The following PARD3B variants were observed in gnomAD, a reference collection of about 807,000 sequenced individuals.
PARD3B encodes partitioning defective 3 homolog B.
A neutral mutation model predicts 130.2 loss-of-function variants in PARD3B; 103 were observed. The observed-to-expected ratio is 0.79, with a 90% CI of 0.67 to 0.93. The LOEUF (loss-of-function observed/expected upper bound fraction) is 0.93, where lower values mean the gene tolerates loss of function less well. Ranked by LOEUF, PARD3B falls within the 40% of genes least tolerant of loss-of-function variation. The probability of loss-of-function intolerance (pLI) is 0.00; values close to 1 mark genes in which losing one functional copy is unlikely to be tolerated. For missense variants in PARD3B, 1,609 were observed against 1,499.2 expected (o/e 1.07, Z -1.21); for synonymous variants, 583 against 553.2 (o/e 1.05, Z -0.76).
chr2:205,243,917 G>T (rs1052406880), intron 15 of PARD3B, among the ~76,000 whole-genome samples: 36 of 152,118 alleles, frequency 2.4e-4, no homozygotes, highest in African/African-American at 8.4e-4. Context: ...AGTTCCTATG[G>T]TTATTTTTAA....
At chr2:204,600,037 T>C (rs952748288) in intron 1 of PARD3B, among the ~76,000 whole-genome samples, 8 of 152,022 alleles carry the variant, frequency 5.3e-5, no homozygotes, top group Admixed American at 3.3e-4. Context: ...AATTGGATTT[T>C]TTTTTGCTAT....
intron 1 of PARD3B, among the ~76,000 whole-genome samples, chr2:204,621,202 A>C (rs16836409): frequency 0.011 from 1,652 of 152,310 alleles, 31 homozygotes; most frequent in African/African-American, 0.038. Context: ...AGCTAAAAAA[A>C]CTGAAAGCTG....
chr2:205,465,772 T>A (rs781311528), intron 20 of PARD3B, among the ~76,000 whole-genome samples: 2 of 152,132 alleles, frequency 1.3e-5, no homozygotes, highest in Non-Finnish European at 2.9e-5. Flanking sequence ...ATTGAAGGAA[T>A]GGGATAAAAA....
Position 205,550,030 on chromosome 2 carries a change from G to A in PARD3B, c.3181-3294G>A, listed in dbSNP as rs1204620652. The stretch of plus-strand genomic sequence containing the variant: ...ACAGTAGTATAGTTGCTAGTTAGTA[G>A]TATTCTTTTCTTCATACCTTGTTTC... On this transcript the variant is annotated intron_variant, in intron 21 of 22. Transcript: ENST00000406610. The surrounding 1 kb of genome is among the most constrained non-coding windows in gnomAD (Gnocchi z 4.5). Among the ~76,000 whole-genome samples the A allele has an allele frequency of 6.6e-6, 1 of 152,164 alleles. No individual in the cohort carries two copies. The highest frequency in any genetic ancestry group is 1.5e-5 in the Non-Finnish European group (1 of 68,024).
chr2:205,331,656 G>A (rs909700575), intron 18 of PARD3B, among the ~76,000 whole-genome samples: 114 of 151,704 alleles, frequency 7.5e-4, no homozygotes, highest in African/African-American at 2.7e-3. Context: ...AGTGGTGGGT[G>A]CCTGTAATCC....
rs577424976 is a variant in PARD3B, at chr2:205,229,786, T to C, written c.2141-15992T>C. Reference sequence around the variant, plus strand: ...CCCTGGCCTCGAGTGAGTCCACAGATGCCGTCCAGGAGCCAGGGCCTAGAG... The same window carrying C: ...CCCTGGCCTCGAGTGAGTCCACAGACGCCGTCCAGGAGCCAGGGCCTAGAG... On this transcript the variant is annotated intron_variant, in intron 15 of 22. Transcript: ENST00000406610. The surrounding 1 kb of genome is among the most constrained non-coding windows in gnomAD (Gnocchi z 5.2). Among the ~76,000 whole-genome samples, 6 of 152,176 alleles carry C rather than the reference T, an allele frequency of 3.9e-5. No homozygotes were observed. The South Asian group carries it at 1.2e-3, about 32-fold the overall frequency.
At chr2:205,089,142 CTTTCTTTTTTTTT>C (rs1181457835) in intron 4 of PARD3B, among the ~76,000 whole-genome samples, 26 of 117,618 alleles carry the variant, frequency 2.2e-4, no homozygotes, top group African/African-American at 5.8e-4. Context: ...TTTTTTTTTT[CTTTCTTTTTTTTT>C]TTTCTTTTTT....
At chr2:204,722,193 C>G (rs979625587) in intron 2 of PARD3B, among the ~76,000 whole-genome samples, 46 of 152,130 alleles carry the variant, frequency 3.0e-4, no homozygotes, top group African/African-American at 1.1e-3. Flanking sequence ...AACTTTGTAT[C>G]TATTGACAAA....
intron 22 of PARD3B, among the ~76,000 whole-genome samples, chr2:205,600,340 G>A (rs969033441): frequency 7.9e-5 from 12 of 152,176 alleles, no homozygotes; most frequent in Admixed American, 1.3e-4. Flanking sequence ...GAGGTGATTG[G>A]TTTAATTTTG....
intron 21 of PARD3B, among the ~76,000 whole-genome samples, chr2:205,540,086 G>A (rs1179583377): frequency 6.6e-6 from 1 of 152,168 alleles, no homozygotes; most frequent in African/African-American, 2.4e-5. Context: ...CAGCATGTGA[G>A]TTGTGCGGCA....
Position 205,122,232 on chromosome 2 carries a change from A to G in PARD3B, c.1165+283A>G, listed in dbSNP as rs1047548011. On this transcript the variant is annotated intron_variant, in intron 8 of 22. Coordinates refer to ENST00000406610, the MANE Select transcript of PARD3B (RefSeq NM_001302769.2). The surrounding 1 kb of genome is among the most constrained non-coding windows in gnomAD (Gnocchi z 4.3). Reference sequence around the variant, plus strand: ...ATCAACAGAGCAATATTGTATTACAACTTAATACCAAATAGGCATGAAAAT... The same window carrying G: ...ATCAACAGAGCAATATTGTATTACAGCTTAATACCAAATAGGCATGAAAAT... Among the ~76,000 whole-genome samples the G allele has an allele frequency of 1.3e-5, 2 of 152,208 alleles. No homozygotes were observed. Among genetic ancestry groups the G allele is most frequent in the Non-Finnish European group, 2.9e-5 (2 of 68,030 alleles).
At chr2:205,246,910 T>G (rs1453055981) in intron 16 of PARD3B, among the ~76,000 whole-genome samples, 2 of 152,152 alleles carry the variant, frequency 1.3e-5, no homozygotes, top group East Asian at 3.8e-4. Flanking sequence ...AGTGATAAAT[T>G]GCCACATGCT....
At position 205,182,385 on chromosome 2, in the gene PARD3B, C is replaced by T. The variant is rs541799844; in HGVS notation, c.1925-3379C>T. ...AGGTACTTACCTCTACACCGATCAC[C>T]ACTTTAAAAAAAAACACTGAAAAAC... On this transcript the variant is annotated intron_variant, in intron 13 of 22. Transcript: ENST00000406610. 2.7e-5 allele frequency among the ~76,000 whole-genome samples: 4 copies of T among 150,372 alleles called. No individual in the cohort carries two copies. The South Asian group carries it at 8.4e-4, about 32-fold the overall frequency.
In PARD3B at chr2:204,623,771, A is replaced by G. The variant is rs939779326; in HGVS notation, c.121-62410A>G. On this transcript the variant is annotated intron_variant, in intron 1 of 22. Transcript: ENST00000406610. This position sits in a 1 kb window ranked among gnomAD's most constrained non-coding sequence, Gnocchi z 4.5. ...GGTCTCTAGAACTGAATTATGTTGC[A>G]TAAATGAAGAATTTATACCCATTGA... 4.6e-5 allele frequency among the ~76,000 whole-genome samples: 7 copies of G among 152,210 alleles called. No homozygotes were observed. The highest frequency in any genetic ancestry group is 8.8e-5 in the Non-Finnish European group (6 of 68,032).
chr2:205,392,743 C>G (rs1051481677), intron 18 of PARD3B, among the ~76,000 whole-genome samples: 1 of 152,128 alleles, frequency 6.6e-6, no homozygotes, highest in African/African-American at 2.4e-5. Flanking sequence ...GAGTTTAAAA[C>G]ACAGCCCTAC....
At position 205,446,742 on chromosome 2, in the gene PARD3B, T is replaced by C. The variant is rs182163946; in HGVS notation, c.3044+6070T>C. On this transcript the variant is annotated intron_variant, in intron 20 of 22. Coordinates refer to ENST00000406610, the MANE Select transcript of PARD3B (RefSeq NM_001302769.2). The surrounding 1 kb of genome is among the most constrained non-coding windows in gnomAD (Gnocchi z 4.4). ...GTGACTGGATTTTCACAATGCTGGT[T>C]CTTCCAGGATTTGAACGTAGCATGG... Among the ~76,000 whole-genome samples the C allele has an allele frequency of 6.6e-6, 1 of 152,320 alleles. No individual in the cohort carries two copies.
intron 4 of PARD3B, among the ~76,000 whole-genome samples, chr2:205,087,866 G>A (rs887325415): frequency 6.6e-6 from 1 of 152,134 alleles, no homozygotes; most frequent in Non-Finnish European, 1.5e-5. Flanking sequence ...CAGACAGAAT[G>A]GGTGTTTTAT....
At chr2:204,935,352 A>AT (rs1177824574) in intron 2 of PARD3B, among the ~76,000 whole-genome samples, 3 of 142,888 alleles carry the variant, frequency 2.1e-5, no homozygotes, top group Non-Finnish European at 4.6e-5. Flanking sequence ...ACACGGTGAA[A>AT]CCCTGTCTCT....
chr2:204,666,865 C>T (rs554669780), intron 1 of PARD3B, among the ~76,000 whole-genome samples: 2 of 152,110 alleles, frequency 1.3e-5, no homozygotes, highest in South Asian at 2.1e-4. Context: ...AAAGTCCTAG[C>T]GGTAGATGAG....
Sources: allele counts gnomAD v4.1 joint callset (sites outside exome capture counted in the v4.1 genomes callset), GRCh38; gene constraint gnomAD v4.1.1; non-coding constraint Gnocchi (gnomAD v3.1); transcripts MANE v1.5; gene names NCBI Gene and HGNC (gene_info 2026-07-23, HGNC 2026-07-21).